Variants in COL4A6 observed in about 807,000 individuals in gnomAD.
The protein encoded by COL4A6 is collagen type IV alpha 6 chain.
A neutral mutation model predicts 126.7 loss-of-function variants in COL4A6; 59 were observed. That is an observed-to-expected ratio of 0.47 (90% CI 0.38 to 0.58). The LOEUF (loss-of-function observed/expected upper bound fraction) is 0.58. COL4A6 is among the 20% of genes least tolerant of loss of function. COL4A6 has a pLI of 0.00. For synonymous variants in COL4A6, 547 were observed against 496.6 expected (o/e 1.10, Z -1.35); for missense variants, 1,285 against 1,337.3 (o/e 0.96, Z 0.61).
At chrX:108,388,595 T>C (rs1015407169) in intron 2 of COL4A6, among the ~76,000 whole-genome samples, 1 of 111,591 alleles carries the variant, frequency 9.0e-6, no homozygotes, top group South Asian at 3.8e-4. Flanking sequence ...GTCTATTTGA[T>C]TCTTCTCTCT....
intron 2 of COL4A6, among the ~76,000 whole-genome samples, chrX:108,408,606 A>AT (rs1016117749): frequency 8.9e-6 from 1 of 111,925 alleles, no homozygotes; most frequent in Non-Finnish European, 1.9e-5. Flanking sequence ...ACCTAGTTTC[A>AT]TTTTTTTGTA....
intron 3 of COL4A6, among the ~76,000 whole-genome samples, chrX:108,261,359 T>C (rs1324666997): frequency 6.3e-5 from 7 of 110,613 alleles, no homozygotes; most frequent in Non-Finnish European, 1.1e-4. Flanking sequence ...ATACCTGGAG[T>C]GGGTAGGGGT....
chrX:108,205,342 A>G, intron 11 of COL4A6, 97 bp downstream of exon 11: 3 of 750,414 alleles, frequency 4.0e-6, no homozygotes, highest in Non-Finnish European at 6.1e-6. Flanking sequence ...CCAAGGCGAA[A>G]AAACAAATCC....
chrX:108,219,769 G>A lies in COL4A6; in HGVS notation c.280-27C>T, dbSNP rs368133661. The stretch of plus-strand genomic sequence containing the variant: ...TAAAAAAAGGAGTAGGGAGAGGAAT[G>A]TAAGACACAATCCAACTGATGTTTG... On this transcript the variant is annotated intron_variant, in intron 4 of 44. Transcript: ENST00000334504. The A allele has an allele frequency of 2.6e-6, 3 of 1,160,613 alleles. No homozygotes were observed. In the African/African-American group the frequency reaches 5.3e-5, roughly 20 times the overall value.
intron 2 of COL4A6, among the ~76,000 whole-genome samples, chrX:108,351,168 G>A (rs781591907): frequency 2.4e-4 from 27 of 111,187 alleles, no homozygotes; most frequent in Admixed American, 1.1e-3. Context: ...CCAAAGAATT[G>A]TGCCCTATTG....
intron 3 of COL4A6, among the ~76,000 whole-genome samples, chrX:108,291,813 G>A (rs1321336135): frequency 8.9e-6 from 1 of 111,858 alleles, no homozygotes; most frequent in Non-Finnish European, 1.9e-5. Context: ...TTTTATAAAT[G>A]GTTCTGTGGT....
At chrX:108,208,814 G>A (rs1267571957) in intron 8 of COL4A6, among the ~76,000 whole-genome samples, 1 of 111,117 alleles carries the variant, frequency 9.0e-6, no homozygotes, top group Non-Finnish European at 1.9e-5. Flanking sequence ...GGTTCAAAGG[G>A]CCTCCAGAAA....
chrX:108,161,810 T>TA, intron 41 of COL4A6, 75 bp from the exon 42 acceptor site: 1 of 657,369 alleles, frequency 1.5e-6, no homozygotes, highest in Non-Finnish European at 2.4e-6. Context: ...AAAGGGGACT[T>TA]ATGTGTCATG....
At chrX:108,198,886 T>C (rs1440407721) in intron 13 of COL4A6, among the ~76,000 whole-genome samples, 1 of 111,158 alleles carries the variant, frequency 9.0e-6, no homozygotes, top group Non-Finnish European at 1.9e-5. Context: ...TCTTCTCTTA[T>C]CCCTCCCCTC....
intron 2 of COL4A6, among the ~76,000 whole-genome samples, chrX:108,330,576 G>A (rs1432978794): frequency 7.2e-5 from 8 of 111,272 alleles, no homozygotes; most frequent in African/African-American, 2.6e-4. Context: ...TGAAAACTGA[G>A]TAGGCAATCC....
intron 6 of COL4A6, chrX:108,213,796 T>C: frequency 4.3e-6 from 1 of 234,523 alleles, no homozygotes; most frequent in Non-Finnish European, 7.5e-6. Flanking sequence ...TTGTCTGATG[T>C]GGGACCATGT....
At chrX:108,370,894 C>G (rs758642282) in intron 2 of COL4A6, among the ~76,000 whole-genome samples, 3 of 111,469 alleles carry the variant, frequency 2.7e-5, no homozygotes, top group Non-Finnish European at 5.6e-5. Flanking sequence ...TCAATAAACA[C>G]TCTTTGAATA....
At chrX:108,356,657 C>T (rs181018793) in intron 2 of COL4A6, among the ~76,000 whole-genome samples, 143 of 111,773 alleles carry the variant, frequency 1.3e-3, no homozygotes, top group African/African-American at 4.5e-3. Context: ...GCAGGAAATA[C>T]CACAGTGTAA....
rs1227023533 is a variant in COL4A6 at position 108,387,083 on chromosome X, T to C, written c.63+50859A>G. ...CTGTTCCATTGGTCTATATATATTT[T>C]GGTACCATTACCATGCTGTTTTTGT... On this transcript the variant is annotated intron_variant, in intron 2 of 44. Transcript: ENST00000334504. Among the ~76,000 whole-genome samples the C allele has an allele frequency of 3.6e-5, 4 of 111,769 alleles. No individual in the cohort carries two copies. The Admixed American group carries it at 3.8e-4, about 11-fold the overall frequency.
intron 2 of COL4A6, among the ~76,000 whole-genome samples, chrX:108,358,156 A>T (rs751637642): frequency 4.5e-5 from 5 of 111,044 alleles, no homozygotes; most frequent in Non-Finnish European, 7.5e-5. Context: ...TAGGAACTGT[A>T]ATTTTCCTCT....
At chrX:108,435,891 G>A (rs1236445593) in intron 2 of COL4A6, among the ~76,000 whole-genome samples, 2 of 111,330 alleles carry the variant, frequency 1.8e-5, no homozygotes, top group Non-Finnish European at 3.8e-5. Flanking sequence ...AGTCAAACAT[G>A]GCACAGAGAA....
At chrX:108,230,661 T>G (rs2036279319) in intron 3 of COL4A6, among the ~76,000 whole-genome samples, 1 of 112,146 alleles carries the variant, frequency 8.9e-6, no homozygotes, top group Admixed American at 9.4e-5. Context: ...CACAGCAGTT[T>G]TCTTTTCACC....
At chrX:108,383,577 G>C (rs2040611576) in intron 2 of COL4A6, 1 of 482,335 alleles carries the variant, frequency 2.1e-6, no homozygotes, top group Non-Finnish European at 3.7e-6. Flanking sequence ...ACGAATGCGA[G>C]GCGAATAGCT....
intron 2 of COL4A6, among the ~76,000 whole-genome samples, chrX:108,430,470 C>A (rs1569465682): frequency 1.8e-5 from 2 of 111,344 alleles, no homozygotes; most frequent in South Asian, 7.5e-4. Flanking sequence ...AAGAAGAAAC[C>A]AATAAAGGCA....
Sources: gnomAD v4.1 joint callset for allele counts (sites outside exome capture counted in the v4.1 genomes callset) on GRCh38, gnomAD v4.1.1 for gene constraint, MANE v1.5 for transcripts, NCBI Gene and HGNC (gene_info 2026-07-23, HGNC 2026-07-21) for gene names.